Variants in MYRFL observed in about 807,000 individuals in gnomAD.
MYRFL encodes myelin regulatory factor-like protein.
In MYRFL, 88 loss-of-function variants were observed where a neutral mutation model predicts 109.4. The observed-to-expected ratio is 0.80, with a 90% CI of 0.68 to 0.96. The LOEUF (loss-of-function observed/expected upper bound fraction) is 0.96. Ranked by LOEUF, MYRFL falls within the 40% of genes least tolerant of loss-of-function variation. The pLI is 0.00. For missense variants in MYRFL, 957 were observed against 954.9 expected (o/e 1.00, Z -0.03); for synonymous variants, 324 against 320.9 (o/e 1.01, Z -0.10).
At position 69,930,885 on chromosome 12, in the gene MYRFL, A is replaced by C. The variant is rs555483990; in HGVS notation, c.1831-1628A>C. ...TACCTCTTACAGGTTCCCAGTCCCT[A>C]CCCTCCCCCAAATAAAACCTATTGA... On this transcript the variant is annotated intron_variant, in intron 15 of 24. Transcript: ENST00000552032. 1.3e-4 allele frequency among the ~76,000 whole-genome samples: 20 copies of C among 151,524 alleles called. No individual in the cohort carries two copies. In the East Asian group the frequency reaches 1.6e-3, roughly 12 times the overall value.
At chr12:69,869,757 A>G (rs1284008092) in intron 2 of MYRFL, among the ~76,000 whole-genome samples, 3 of 152,214 alleles carry the variant, frequency 2.0e-5, no homozygotes. Context: ...AGATATTCAC[A>G]TGAAGACACA....
chr12:69,873,434 G>A (rs1285592661), intron 2 of MYRFL, among the ~76,000 whole-genome samples: 2 of 152,106 alleles, frequency 1.3e-5, no homozygotes, highest in African/African-American at 4.8e-5. Context: ...ATTTTCAAAT[G>A]TTCACTTAAA....
chr12:69,934,602 T>C (rs964474039), intron 16 of MYRFL, among the ~76,000 whole-genome samples: 1 of 152,180 alleles, frequency 6.6e-6, no homozygotes, highest in African/African-American at 2.4e-5. Flanking sequence ...TGATGATTGA[T>C]TGAAGAGTGA....
chr12:69,832,911 A>G (rs923552535), intron 1 of MYRFL, among the ~76,000 whole-genome samples: 5 of 150,900 alleles, frequency 3.3e-5, no homozygotes, highest in Admixed American at 2.7e-4. Flanking sequence ...TGGTAGTACA[A>G]TGTACTTAGA....
intron 1 of MYRFL, among the ~76,000 whole-genome samples, chr12:69,830,229 G>A (rs533168033): frequency 6.6e-6 from 1 of 151,546 alleles, no homozygotes; most frequent in South Asian, 2.1e-4. Flanking sequence ...GTATTATATT[G>A]TACCCAGCAT....
At chr12:69,847,091 A>G (rs1883604643) in intron 1 of MYRFL, among the ~76,000 whole-genome samples, 1 of 152,136 alleles carries the variant, frequency 6.6e-6, no homozygotes, top group Non-Finnish European at 1.5e-5. Flanking sequence ...ACTAGTGGCA[A>G]TCAGGAGCTA....
At chr12:69,838,865 A>G (rs985484208) in intron 1 of MYRFL, among the ~76,000 whole-genome samples, 4 of 152,236 alleles carry the variant, frequency 2.6e-5, no homozygotes, top group Non-Finnish European at 5.9e-5. Context: ...TACTTTTACC[A>G]TGATAGAGGT....
At chr12:69,936,766 A>AAACAC (rs1487361158) in intron 19 of MYRFL, 134 bp downstream of exon 19, 5 of 749,764 alleles carry the variant, frequency 6.7e-6, no homozygotes, top group African/African-American at 5.4e-5. Flanking sequence ...AAAATCTTTA[A>AAACAC]AACACAAATA....
chr12:69,897,931 A>G (rs1954053515), intron 10 of MYRFL, among the ~76,000 whole-genome samples: 1 of 152,210 alleles, frequency 6.6e-6, no homozygotes, highest in Non-Finnish European at 1.5e-5. Flanking sequence ...GCAGGCACAA[A>G]ACATAAAGCT....
At chr12:69,919,684 T>G (rs1164852359) in intron 13 of MYRFL, among the ~76,000 whole-genome samples, 1 of 152,186 alleles carries the variant, frequency 6.6e-6, no homozygotes, top group African/African-American at 2.4e-5. Flanking sequence ...CTGAGTTTAT[T>G]CAAAGCCCAA....
At chr12:69,830,430 A>G (rs916866991) in intron 1 of MYRFL, among the ~76,000 whole-genome samples, 1 of 150,222 alleles carries the variant, frequency 6.7e-6, no homozygotes, top group Non-Finnish European at 1.5e-5. Flanking sequence ...TTCTATATAT[A>G]TTATAGATAA....
At chr12:69,905,171 C>T (rs906618805) in intron 11 of MYRFL, among the ~76,000 whole-genome samples, 1 of 152,176 alleles carries the variant, frequency 6.6e-6, no homozygotes, top group African/African-American at 2.4e-5. Context: ...CAAATTTATC[C>T]TTGCAATTGG....
intron 11 of MYRFL, among the ~76,000 whole-genome samples, chr12:69,907,127 AC>A (rs1337039602): frequency 6.6e-6 from 1 of 152,234 alleles, no homozygotes; most frequent in East Asian, 1.9e-4. Flanking sequence ...CCAAGTGTAC[AC>A]ATAGGGATCA....
chr12:69,885,098 G>A (rs939771739), intron 5 of MYRFL, among the ~76,000 whole-genome samples: 14 of 151,956 alleles, frequency 9.2e-5, no homozygotes, highest in Admixed American at 7.2e-4. Context: ...ACCATAGAAG[G>A]GTTTCTTTCT....
chr12:69,845,899 T>C (rs917998726), intron 1 of MYRFL, among the ~76,000 whole-genome samples: 2 of 151,536 alleles, frequency 1.3e-5, no homozygotes, highest in Admixed American at 6.6e-5. Flanking sequence ...AGAATGGAGA[T>C]TGGGAGTTGC....
intron 2 of MYRFL, among the ~76,000 whole-genome samples, chr12:69,877,031 T>TA (rs1885719018): frequency 3.1e-5 from 1 of 32,462 alleles, no homozygotes; most frequent in Non-Finnish European, 8.3e-5. Flanking sequence ...TTCTTTTTTT[T>TA]TTTTTTTTTT....
chr12:69,875,817 C>T (rs926633072), intron 2 of MYRFL, among the ~76,000 whole-genome samples: 1 of 152,228 alleles, frequency 6.6e-6, no homozygotes, highest in Admixed American at 6.5e-5. Flanking sequence ...TCCATGAAAT[C>T]AGTCTCTAGT....
intron 1 of MYRFL, among the ~76,000 whole-genome samples, chr12:69,832,944 T>TTG (rs57702116): frequency 3.2e-4 from 46 of 143,822 alleles, no homozygotes; most frequent in African/African-American, 9.0e-4. Flanking sequence ...AGGAACAGGC[T>TTG]TGTGTGTGTG....
At chr12:69,855,868 T>G (rs1884248022) in intron 2 of MYRFL, among the ~76,000 whole-genome samples, 1 of 152,114 alleles carries the variant, frequency 6.6e-6, no homozygotes, top group Admixed American at 6.5e-5. Context: ...AAAGTTAAAA[T>G]TCTTACTTTT....
Sources: allele counts gnomAD v4.1 joint callset (sites outside exome capture counted in the v4.1 genomes callset), GRCh38; gene constraint gnomAD v4.1.1; transcripts MANE v1.5; gene names NCBI Gene and HGNC (gene_info 2026-07-23, HGNC 2026-07-21).